Variants in DOCK3 observed in about 807,000 individuals in gnomAD.
DOCK3 encodes dedicator of cytokinesis 3.
A neutral mutation model predicts 265.6 loss-of-function variants in DOCK3; 60 were observed. The ratio of observed to expected loss-of-function variants is 0.23; its 90% CI spans 0.18 to 0.28. The LOEUF is 0.28. DOCK3 is among the 10% of genes least tolerant of loss of function. The probability of loss-of-function intolerance (pLI) is 1.00; values close to 1 mark genes in which losing one functional copy is unlikely to be tolerated. For synonymous variants in DOCK3, 881 were observed against 938.0 expected (o/e 0.94, Z 1.11); for missense variants, 1,981 against 2,594.3 (o/e 0.76, Z 5.14).
intron 51 of DOCK3, 31 bp from the exon 52 acceptor site, chr3:51,380,094 A>C: frequency 6.2e-7 from 1 of 1,602,612 alleles, no homozygotes; most frequent in South Asian, 1.1e-5. Context: ...CAGGGCCCCC[A>C]GCTGAGGCTC....
At chr3:50,829,313 T>C (rs1332139011) in intron 2 of DOCK3, among the ~76,000 whole-genome samples, 4 of 152,224 alleles carry the variant, frequency 2.6e-5, no homozygotes, top group Non-Finnish European at 4.4e-5. Flanking sequence ...CACTGTGTTA[T>C]TGATTTCTCC....
At chr3:50,956,502 G>A (rs76474720) in intron 5 of DOCK3, among the ~76,000 whole-genome samples, 5,979 of 152,248 alleles carry the variant, frequency 0.039, 406 homozygotes, top group African/African-American at 0.14. Flanking sequence ...TTGGATTTTG[G>A]TGGTGATTAT....
At chr3:51,189,747 A>G (rs541312673) in intron 12 of DOCK3, among the ~76,000 whole-genome samples, 8 of 152,262 alleles carry the variant, frequency 5.3e-5, no homozygotes, top group African/African-American at 1.7e-4. Context: ...TTTTTGGTAT[A>G]TTGACTTCTT....
intron 13 of DOCK3, 79 bp downstream of exon 13, chr3:51,208,941 A>C: frequency 2.4e-6 from 3 of 1,254,328 alleles, no homozygotes; most frequent in Non-Finnish European, 3.4e-6. Flanking sequence ...TGGTTGGTGC[A>C]GATTGGCTGC....
chr3:50,963,952 C>G (rs897887882), intron 5 of DOCK3, among the ~76,000 whole-genome samples: 10 of 152,184 alleles, frequency 6.6e-5, no homozygotes, highest in Admixed American at 4.6e-4. Context: ...GTGTGCTCAT[C>G]AGGCATCATG....
chr3:50,913,834 C>T (rs1310941013), intron 4 of DOCK3, among the ~76,000 whole-genome samples: 4 of 152,086 alleles, frequency 2.6e-5, no homozygotes, highest in Middle Eastern at 3.4e-3. Flanking sequence ...GTGGTATTGG[C>T]GATTCACGAT....
intron 12 of DOCK3, among the ~76,000 whole-genome samples, chr3:51,170,038 T>C (rs2086599273): frequency 6.6e-6 from 1 of 152,196 alleles, no homozygotes; most frequent in Non-Finnish European, 1.5e-5. Flanking sequence ...AAATCTGAAA[T>C]TTTTTAGTGC....
chr3:50,802,676 G>C (rs2043135325), intron 2 of DOCK3, among the ~76,000 whole-genome samples: 1 of 151,994 alleles, frequency 6.6e-6, no homozygotes, highest in Admixed American at 6.6e-5. Context: ...TATGTGACTT[G>C]ACACTTCTCT....
intron 9 of DOCK3, among the ~76,000 whole-genome samples, chr3:51,098,119 C>T (rs1049044257): frequency 2.0e-4 from 31 of 152,296 alleles, no homozygotes; most frequent in African/African-American, 6.7e-4. Flanking sequence ...TGCAGTGATG[C>T]GATCTCAGCT....
chr3:51,348,816 T>A, intron 38 of DOCK3, 36 bp from the exon 39 acceptor site: 1 of 1,530,502 alleles, frequency 6.5e-7, no homozygotes, highest in South Asian at 1.2e-5. Flanking sequence ...ATTCTGAAGA[T>A]GAGATGCTGA....
chr3:51,272,978 A>G (rs755023544), intron 24 of DOCK3, among the ~76,000 whole-genome samples: 15 of 151,976 alleles, frequency 9.9e-5, no homozygotes, highest in African/African-American at 1.5e-4. Flanking sequence ...CCTGGCTAAC[A>G]TGGTGAAACC....
At chr3:51,320,284 A>G (rs2083619669) in intron 32 of DOCK3, among the ~76,000 whole-genome samples, 1 of 152,328 alleles carries the variant, frequency 6.6e-6, no homozygotes, top group African/African-American at 2.4e-5. Context: ...TCCGGCCCAG[A>G]TACTGCACTT....
chr3:51,172,330 C>G (rs1267709898), intron 12 of DOCK3, among the ~76,000 whole-genome samples: 2 of 152,142 alleles, frequency 1.3e-5, no homozygotes, highest in Non-Finnish European at 2.9e-5. Context: ...CATGGGCCAC[C>G]ATGCCTGGCT....
chr3:51,179,173 G>T (rs1334488618), intron 12 of DOCK3, among the ~76,000 whole-genome samples: 1 of 152,098 alleles, frequency 6.6e-6, no homozygotes, highest in Non-Finnish European at 1.5e-5. Flanking sequence ...CTTTTCCATT[G>T]CTTGTGAAAC....
At chr3:50,837,880 T>C (rs536412937) in intron 2 of DOCK3, among the ~76,000 whole-genome samples, 110 of 152,154 alleles carry the variant, frequency 7.2e-4, no homozygotes, top group African/African-American at 2.6e-3. Context: ...GCAGAGAGAC[T>C]ATTATGGCTG....
chr3:51,317,625 T>A (rs1353153630), intron 32 of DOCK3, among the ~76,000 whole-genome samples: 1 of 133,532 alleles, frequency 7.5e-6, no homozygotes, highest in Non-Finnish European at 1.6e-5. Flanking sequence ...AATAATAATG[T>A]ATATTTAAAA....
Position 51,229,547 on chromosome 3 carries a change from C to G in DOCK3, c.1855C>G (p.Pro619Ala). Residue 619 changes from proline (P) to alanine (A), a missense_variant, in exon 19 of 53, where the codon CCC (proline) becomes GCC (alanine). Pro to Ala is a conservative substitution (Grantham distance 27, BLOSUM62 -1). This residue lies in a region of DOCK3 where 1,357 missense variants were observed against 1,866.8 expected (regional missense o/e 0.73). Coordinates refer to ENST00000266037, the MANE Select transcript of DOCK3 (RefSeq NM_004947.5). Reference protein sequence around the residue: ...LLALLKWKAFPDRIMDVLGRL... With the variant: ...LLALLKWKAFADRIMDVLGRL... The stretch of plus-strand genomic sequence containing the variant: ...AGCTCTGCTGAAGTGGAAAGCCTTC[C>G]CCGACCGGATCATGGATGTACTAGG... 1 of 1,608,038 alleles carries G rather than the reference C, an allele frequency of 6.2e-7. No homozygotes were observed.
intron 2 of DOCK3, among the ~76,000 whole-genome samples, chr3:50,810,113 C>T (rs919771030): frequency 2.0e-5 from 3 of 151,946 alleles, no homozygotes; most frequent in East Asian, 1.9e-4. Context: ...TTAGCGTGGG[C>T]GACAGAGGGA....
At chr3:51,365,312 CT>C (rs2087060947) in intron 49 of DOCK3, among the ~76,000 whole-genome samples, 1 of 152,180 alleles carries the variant, frequency 6.6e-6, no homozygotes, top group Non-Finnish European at 1.5e-5. Flanking sequence ...TATAGGAATG[CT>C]TGTGATTTTT....
Sources: gnomAD v4.1 joint callset for allele counts (sites outside exome capture counted in the v4.1 genomes callset) on GRCh38, gnomAD v4.1.1 for gene constraint, gnomAD v4.1.1 regional missense constraint, MANE v1.5 for transcripts, NCBI Gene and HGNC (gene_info 2026-07-23, HGNC 2026-07-21) for gene names.